MGST2: variants seen among roughly 807,000 people sequenced by gnomAD.
The protein encoded by MGST2 is glutathione peroxidase MGST2.
A neutral mutation model predicts 16.6 loss-of-function variants in MGST2; 9 were observed. That is an observed-to-expected ratio of 0.54 (90% CI 0.33 to 0.95). The LOEUF is 0.95. Ranked by LOEUF, MGST2 falls within the 40% of genes least tolerant of loss-of-function variation. MGST2 has a pLI of 0.03. For synonymous variants in MGST2, 79 were observed against 68.0 expected, an observed-to-expected ratio of 1.16 and a Z score of -0.79; for missense variants, 159 against 175.1, an observed-to-expected ratio of 0.91 and a Z score of 0.52.
chr4:139,701,299 G>T (rs1342367449), intron 3 of MGST2, among the ~76,000 whole-genome samples: 39 of 152,126 alleles, frequency 2.6e-4, no homozygotes, highest in Non-Finnish European at 2.9e-5. Context: ...CTTTCTGGGA[G>T]TAACTCCCTA....
chr4:139,703,344 G>C, intron 3 of MGST2, 111 bp from the exon 4 acceptor site: 1 of 875,340 alleles, frequency 1.1e-6, no homozygotes, highest in Non-Finnish European at 1.9e-6. Flanking sequence ...CTGAATATAA[G>C]TATCTTGTCC....
At chr4:139,752,400 C>T in the MGST2 span, among the ~76,000 whole-genome samples, 1 of 152,138 alleles carries the variant, frequency 6.6e-6, no homozygotes, top group Non-Finnish European at 1.5e-5. Context: ...CATGGCGGAC[C>T]CAACTCCTCT....
At chr4:139,710,392 A>C (rs954003517) in intron 5 of MGST2, among the ~76,000 whole-genome samples, 14 of 152,256 alleles carry the variant, frequency 9.2e-5, no homozygotes, top group African/African-American at 3.4e-4. Context: ...ATTACATGTA[A>C]GAACTCATTT....
intron 1 of MGST2, among the ~76,000 whole-genome samples, chr4:139,670,904 CAAAA>C (rs111546595): frequency 1.1e-5 from 1 of 93,152 alleles, no homozygotes; most frequent in African/African-American, 3.8e-5. Flanking sequence ...GACCCTATCT[CAAAA>C]AAAAAAAAAA....
Position 139,695,238 on chromosome 4 carries a change from T to C in MGST2, c.200T>C (p.Leu67Ser). 6.2e-7 allele frequency: 1 copy of C among 1,613,440 alleles called. No homozygotes were observed. Among genetic ancestry groups the C allele is most frequent in the Non-Finnish European group, 8.5e-7 (1 of 1,179,364 alleles). ...TTTTATCCTATATTCATAATTACATTGTGGATGGCTGGGTGGTATTTCAAC... is the reference window on the plus strand; with the variant it reads ...TTTTATCCTATATTCATAATTACATCGTGGATGGCTGGGTGGTATTTCAAC... ...VEFYPIFIIT[L>S]WMAGWYFNQV... Residue 67 changes from leucine (L) to serine (S), a missense_variant, in exon 3 of 5, where the codon TTG (leucine) becomes TCG (serine). By Grantham distance (145) the Leu-to-Ser change is moderately radical. Transcript: ENST00000265498.
Position 139,713,448 on chromosome 4 carries a change from C to T in MGST2, c.*48+9252C>T, listed in dbSNP as rs555464045. ...TACCAGAAGTTATCTTAGGGCCTCT[C>T]GTGTGTTCATTAAGAGTGGCAAGAC... On this transcript the variant is annotated intron_variant, in intron 5 of 5. Transcript: ENST00000616265. Among the ~76,000 whole-genome samples, 9 of 113,706 alleles carry T rather than the reference C, an allele frequency of 7.9e-5. 1 individual carries two copies. The highest frequency in any genetic ancestry group is 6.0e-4 in the South Asian group (2 of 3,352). The allele number at this position is 113,706 out of a possible 152,430, so 74.6% of individuals were successfully genotyped here. A position where few individuals can be genotyped will look rare whatever the true frequency, so the allele number is the denominator to read the frequency against.
chr4:139,724,132 CT>C (rs1237499832), intron 5 of MGST2, among the ~76,000 whole-genome samples: 12 of 152,220 alleles, frequency 7.9e-5, no homozygotes, highest in African/African-American at 2.9e-4. Flanking sequence ...AACTCAATTC[CT>C]TTTGTCCTTC....
At chr4:139,748,950 G>A in the MGST2 span, among the ~76,000 whole-genome samples, 3 of 152,114 alleles carry the variant, frequency 2.0e-5, no homozygotes, top group Non-Finnish European at 4.4e-5. Flanking sequence ...CTGCTTCTTT[G>A]GTGAATAGAG....
chr4:139,730,753 G>C, intron 5 of MGST2: 1 of 1,252,840 alleles, frequency 8.0e-7, no homozygotes. Flanking sequence ...AAAAGGGAAC[G>C]GGGCAGAAGT....
At chr4:139,683,754 G>A (rs1731391303) in intron 2 of MGST2, among the ~76,000 whole-genome samples, 1 of 151,946 alleles carries the variant, frequency 6.6e-6, no homozygotes. Context: ...CCGAGACTGA[G>A]CAATTTACAA....
At chr4:139,730,914 T>G in intron 5 of MGST2, 1 of 563,602 alleles carries the variant, frequency 1.8e-6, no homozygotes, top group Non-Finnish European at 3.2e-6. Context: ...AAGTCCAGTC[T>G]GTTTCGGATG....
At chr4:139,691,935 C>T (rs905928344) in intron 2 of MGST2, among the ~76,000 whole-genome samples, 2 of 152,072 alleles carry the variant, frequency 1.3e-5, no homozygotes, top group East Asian at 1.9e-4. Flanking sequence ...CTCCTGACCT[C>T]GTGATTTGCC....
intron 2 of MGST2, among the ~76,000 whole-genome samples, chr4:139,687,113 T>G (rs1260766370): frequency 6.6e-6 from 1 of 152,212 alleles, no homozygotes; most frequent in Non-Finnish European, 1.5e-5. Flanking sequence ...CCAGTTTCCT[T>G]GTTAGAGATG....
chr4:139,681,021 A>ATT (rs77011119), intron 2 of MGST2, among the ~76,000 whole-genome samples: 5 of 150,322 alleles, frequency 3.3e-5, no homozygotes, highest in African/African-American at 1.2e-4. Context: ...CTGTTTTAGA[A>ATT]TTTTTTTTTT....
At position 139,702,323 on chromosome 4, in the gene MGST2, C is replaced by T. The variant is rs549007723; in HGVS notation, c.230-1132C>T. Among the ~76,000 whole-genome samples the T allele has an allele frequency of 3.3e-5, 5 of 152,262 alleles. No individual in the cohort carries two copies. The East Asian group carries it at 7.7e-4, about 23-fold the overall frequency. On this transcript the variant is annotated intron_variant, in intron 3 of 4. Transcript: ENST00000265498. ...TGACAACCACCCAGAAAGTGTCCTC[C>T]TGCTTCTCCCAGTCAGTCCCCATTC... is the stretch of plus-strand genomic sequence containing the variant.
chr4:139,681,247 G>A (rs911673346), intron 2 of MGST2, among the ~76,000 whole-genome samples: 1 of 152,038 alleles, frequency 6.6e-6, no homozygotes, highest in South Asian at 2.1e-4. Flanking sequence ...CAAACATCTG[G>A]GCTCAAGCAA....
intron 2 of MGST2, among the ~76,000 whole-genome samples, chr4:139,691,357 G>A (rs960890689): frequency 6.6e-6 from 1 of 152,210 alleles, no homozygotes; most frequent in African/African-American, 2.4e-5. Flanking sequence ...TTATTTTCAT[G>A]TCAATGAAAC....
In MGST2 at chr4:139,713,473, CAGAAA is replaced by C. The variant is rs1397811525; in HGVS notation, c.*48+9279_*48+9283del. Among the ~76,000 whole-genome samples, 3 of 4,136 alleles carry C rather than the reference CAGAAA, an allele frequency of 7.3e-4. 1 individual carries two copies. The highest frequency in any genetic ancestry group is 5.4e-4 in the Non-Finnish European group (1 of 1,860). 2.7% of individuals were successfully genotyped at this position (4,136 alleles called of 152,430 possible). On this transcript the variant is annotated intron_variant, in intron 5 of 5. Transcript: ENST00000616265. The stretch of plus-strand genomic sequence containing the variant: ...CGTGTGTTCATTAAGAGTGGCAAGA[CAGAAA>C]AAAAAAAAAAAAAAAAAAAGGAGAA...
At chr4:139,707,706 C>A (rs1438634521), downstream of MGST2, among the ~76,000 whole-genome samples, 1 of 133,262 alleles carries the variant, frequency 7.5e-6, no homozygotes, top group African/African-American at 2.8e-5. Context: ...TCCACATCCT[C>A]TCCAGCACCT....
Sources: gnomAD v4.1 joint callset for allele counts (sites outside exome capture counted in the v4.1 genomes callset) on GRCh38, gnomAD v4.1.1 for gene constraint, MANE v1.5 for transcripts, NCBI Gene and HGNC (gene_info 2026-07-23, HGNC 2026-07-21) for gene names.